FBRSL1: variants seen among roughly 807,000 people sequenced by gnomAD.
The protein encoded by FBRSL1 is fibrosin like 1, also known as fibrosin-1-like protein.
In FBRSL1, 51 loss-of-function variants were observed where a neutral mutation model predicts 89.6. The observed-to-expected ratio is 0.57, with a 90% confidence interval of 0.45 to 0.72. FBRSL1 has a LOEUF of 0.72. Among genes scored for constraint, FBRSL1 ranks in the 30% least tolerant of loss-of-function variants. The pLI, the probability that FBRSL1 is intolerant of heterozygous loss-of-function variation, is 0.00. For synonymous variants in FBRSL1, 779 were observed against 681.1 expected (o/e 1.14, Z -2.24); for missense variants, 1,618 against 1,451.8 (o/e 1.11, Z -1.86).
At chr12:132,575,485 C>T (rs539197844) in intron 14 of FBRSL1, among the ~76,000 whole-genome samples, 2 of 152,344 alleles carry the variant, frequency 1.3e-5, no homozygotes, top group East Asian at 3.9e-4. Flanking sequence ...CCTCGGCCTC[C>T]CAAAGTGCTG....
rs1486149906 is a variant in FBRSL1 at position 132,567,536 on chromosome 12, T to C, written c.691+10T>C. The C allele has an allele frequency of 6.4e-7, 1 of 1,550,576 alleles. No individual in the cohort carries two copies. The highest frequency in any genetic ancestry group is 2.0e-5 in the Admixed American group (1 of 50,970). On this transcript the variant is annotated intron_variant, in intron 6 of 18. Coordinates refer to ENST00000680143, the MANE Select transcript of FBRSL1 (RefSeq NM_001367871.1). ...CCGGGAACCGATAAAGGTAAGTGGG[T>C]CCCCTCGGCCCAGCTCCTGGGCCTC...
chr12:132,523,903 C>T (rs1333399669), intron 2 of FBRSL1, among the ~76,000 whole-genome samples: 1 of 152,240 alleles, frequency 6.6e-6, no homozygotes, highest in African/African-American at 2.4e-5. Context: ...CCCAGCAGGG[C>T]AGCAAGTGTG....
intron 4 of FBRSL1, among the ~76,000 whole-genome samples, chr12:132,535,920 GGTGT>G (rs896067045): frequency 2.5e-4 from 38 of 149,598 alleles, no homozygotes; most frequent in African/African-American, 8.2e-4. Flanking sequence ...TGTCCATGAT[GGTGT>G]GTGTGAGTGC....
chr12:132,518,739 C>G (rs979843484), intron 2 of FBRSL1, among the ~76,000 whole-genome samples: 1 of 151,162 alleles, frequency 6.6e-6, no homozygotes, highest in African/African-American at 2.4e-5. Context: ...TCACCCCATG[C>G]ATCCATCCAC....
chr12:132,512,203 C>T (rs1362267676), intron 2 of FBRSL1, among the ~76,000 whole-genome samples: 2 of 152,246 alleles, frequency 1.3e-5, no homozygotes, highest in Admixed American at 6.5e-5. Context: ...GCCAGTGTGA[C>T]AGGGGTCGAG....
At chr12:132,572,470 G>A (rs148231108) in intron 10 of FBRSL1, 57 bp from the exon 11 acceptor site, 47,522 of 1,490,844 alleles carry the variant, frequency 0.032, 922 homozygotes, top group Middle Eastern at 0.038. Context: ...CTGGTTACAG[G>A]CAGAGGGTGG....
intron 1 of FBRSL1, among the ~76,000 whole-genome samples, chr12:132,506,033 C>T (rs961346003): frequency 6.6e-6 from 1 of 152,236 alleles, no homozygotes; most frequent in Admixed American, 6.5e-5. Flanking sequence ...GAGGCCTCTC[C>T]TCCTCGGTGT....
rs889994239 is a variant in FBRSL1 at position 132,499,616 on chromosome 12, G to A, written c.292-8537G>A. Among the ~76,000 whole-genome samples, 10 of 151,956 alleles carry A rather than the reference G, an allele frequency of 6.6e-5. No individual in the cohort carries two copies. The highest frequency in any genetic ancestry group is 2.0e-4 in the Admixed American group (3 of 15,272). ...GCAGCACCGTGGCGTGGCGGTTCCC[G>A]AGAGCCCGTCAGGAAGGGCACATGT... On this transcript the variant is annotated intron_variant, in intron 1 of 18. Coordinates refer to ENST00000680143, the MANE Select transcript of FBRSL1 (RefSeq NM_001367871.1). The surrounding 1 kb of genome is among the most constrained non-coding windows in gnomAD (Gnocchi z 4.3).
rs151077179 is a variant in FBRSL1 at position 132,492,698 on chromosome 12, C to T, written c.291+1837C>T. On this transcript the variant is annotated intron_variant, in intron 1 of 18. Transcript: ENST00000680143. Reference sequence around the variant, plus strand: ...TGGGTTCAGTGGGTTTTGGTGACTTCGGCTTAGACCAGCTGGCCCCTCAGG... The same window carrying T: ...TGGGTTCAGTGGGTTTTGGTGACTTTGGCTTAGACCAGCTGGCCCCTCAGG... Among the ~76,000 whole-genome samples, 11 of 152,350 alleles carry T rather than the reference C, an allele frequency of 7.2e-5. No homozygotes were observed. The East Asian group carries it at 1.3e-3, about 19-fold the overall frequency.
Position 132,490,477 on chromosome 12 carries a change from A to T in FBRSL1, c.-94A>T. 1.1e-6 allele frequency: 1 copy of T among 874,914 alleles called. No individual in the cohort carries two copies. The highest frequency in any genetic ancestry group is 1.4e-6 in the Non-Finnish European group (1 of 734,714). 54.2% of individuals were successfully genotyped at this position (874,914 alleles called of 1,614,324 possible). On this transcript the variant is annotated 5_prime_UTR_variant, in exon 1 of 19. Coordinates refer to ENST00000680143, the MANE Select transcript of FBRSL1 (RefSeq NM_001367871.1). ...GCCCGAGCCCGCGCGGCGCACACTC[A>T]GCCCGGCGGCGCCGCGTAGCCGAGG... is the stretch of plus-strand genomic sequence containing the variant.
intron 2 of FBRSL1, among the ~76,000 whole-genome samples, chr12:132,521,579 C>T (rs115951579): frequency 1.6e-4 from 25 of 152,138 alleles, no homozygotes; most frequent in South Asian, 4.1e-4. Flanking sequence ...CTGGAGGCAT[C>T]GTGGCCGGCC....
intron 2 of FBRSL1, chr12:132,509,956 T>TGCTGG: frequency 8.1e-7 from 1 of 1,231,036 alleles, no homozygotes; most frequent in Non-Finnish European, 1.0e-6. Context: ...CGAAGGTCCC[T>TGCTGG]GCTGGGCCAG....
intron 2 of FBRSL1, among the ~76,000 whole-genome samples, chr12:132,515,439 G>T (rs1313456077): frequency 1.3e-5 from 2 of 151,646 alleles, no homozygotes; most frequent in African/African-American, 4.9e-5. Flanking sequence ...TTTATGGGAT[G>T]CAGCTAAAGC....
intron 2 of FBRSL1, among the ~76,000 whole-genome samples, chr12:132,508,623 G>A (rs1442005326): frequency 6.6e-6 from 1 of 152,236 alleles, no homozygotes; most frequent in Non-Finnish European, 1.5e-5. Context: ...CCGGGCTGGG[G>A]CGCCAAGCTG....
chr12:132,523,910 T>C (rs2035574008), intron 2 of FBRSL1, among the ~76,000 whole-genome samples: 2 of 152,018 alleles, frequency 1.3e-5, no homozygotes, highest in Admixed American at 1.3e-4. Context: ...GGGCAGCAAG[T>C]GTGGGACCCG....
At chr12:132,494,946 A>G (rs1281520578) in intron 1 of FBRSL1, among the ~76,000 whole-genome samples, 1 of 152,220 alleles carries the variant, frequency 6.6e-6, no homozygotes, top group Non-Finnish European at 1.5e-5. Flanking sequence ...GGTTGTGCTT[A>G]AGAAACCCCA....
chr12:132,490,687 G>A lies in FBRSL1; in HGVS notation c.117G>A (p.Glu39=). ...GTCCGTCGTCGGGCGACGAGCCCGA[G>A]CCCAGCCCCGGCAAGGAGAACGCGG... ...AQSPSSGDEP[E]PSPGKENAGL... is the part of the protein sequence containing the mutation. Residue 39 remains glutamate, a synonymous_variant, in exon 1 of 19, where the codon GAG becomes GAA. Transcript: ENST00000680143. 1 of 998,516 alleles carries A rather than the reference G, an allele frequency of 1.0e-6. No individual in the cohort carries two copies. The highest frequency in any genetic ancestry group is 1.2e-6 in the Non-Finnish European group (1 of 835,340). The allele number at this position is 998,516 out of a possible 1,614,324, so 61.9% of individuals were successfully genotyped here. A position where few individuals can be genotyped will look rare whatever the true frequency, so the allele number is the denominator to read the frequency against.
At position 132,566,741 on chromosome 12, in the gene FBRSL1, G is replaced by A. The variant is rs549230195; in HGVS notation, c.646-740G>A. On this transcript the variant is annotated intron_variant, in intron 5 of 18. Coordinates refer to ENST00000680143, the MANE Select transcript of FBRSL1 (RefSeq NM_001367871.1). ...GCCTGGGAGCATAGCGCAGCATTCT[G>A]TGGCTGCTGGGAGCTTGGCCGGCCG... is the stretch of plus-strand genomic sequence containing the variant. Among the ~76,000 whole-genome samples the A allele has an allele frequency of 9.4e-3, 1,425 of 151,970 alleles. 11 individuals carry two copies. The highest frequency in any genetic ancestry group is 0.014 in the Non-Finnish European group (943 of 67,926).
At chr12:132,565,995 T>C (rs1222588835) in intron 5 of FBRSL1, 1 of 152,194 alleles carries the variant, frequency 6.6e-6, no homozygotes, top group Non-Finnish European at 1.5e-5. Context: ...TGCATCACTG[T>C]GAACATACTA....
Sources: allele counts gnomAD v4.1 joint callset (sites outside exome capture counted in the v4.1 genomes callset), GRCh38; gene constraint gnomAD v4.1.1; non-coding constraint Gnocchi (gnomAD v3.1); transcripts MANE v1.5; gene names NCBI Gene and HGNC (gene_info 2026-07-23, HGNC 2026-07-21).